PPTC7: variants seen among roughly 807,000 people sequenced by gnomAD.
PPTC7 encodes the protein protein phosphatase PTC7 homolog.
Under a neutral mutation model 30.8 loss-of-function variants are expected in PPTC7, and 6 were observed. The ratio of observed to expected loss-of-function variants is 0.19; its 90% CI spans 0.11 to 0.38. PPTC7 has a LOEUF of 0.38. Among genes scored for constraint, PPTC7 ranks in the 10% least tolerant of loss-of-function variants. PPTC7 has a pLI of 1.00. For missense variants in PPTC7, 218 were observed against 404.8 expected, an observed-to-expected ratio of 0.54 and a Z score of 3.96; for synonymous variants, 163 against 168.1, an observed-to-expected ratio of 0.97 and a Z score of 0.23.
chr12:110,569,830 A>C (rs982347608), intron 1 of PPTC7, among the ~76,000 whole-genome samples: 1 of 152,202 alleles, frequency 6.6e-6, no homozygotes, highest in African/African-American at 2.4e-5. Context: ...TTCAATAATG[A>C]TTTAGAGAGT....
At chr12:110,554,249 T>C (rs567001836) in intron 1 of PPTC7, among the ~76,000 whole-genome samples, 15 of 152,188 alleles carry the variant, frequency 9.9e-5, no homozygotes, top group African/African-American at 1.4e-4. Flanking sequence ...TCACAGCTCA[T>C]TGCAGTCTTG....
chr12:110,574,891 G>C (rs1014020364), intron 1 of PPTC7, among the ~76,000 whole-genome samples: 1 of 150,882 alleles, frequency 6.6e-6, no homozygotes, highest in African/African-American at 2.4e-5. Context: ...CGATTCTCAT[G>C]TCTCAGCCTC....
intron 4 of PPTC7, 123 bp from the exon 5 acceptor site, chr12:110,538,396 G>T: frequency 1.1e-6 from 1 of 903,160 alleles, no homozygotes; most frequent in Non-Finnish European, 1.7e-6. Flanking sequence ...ATCATGCCCT[G>T]GCTAATATGA....
chr12:110,538,051 C>T, intron 5 of PPTC7, 93 bp downstream of exon 5: 5 of 1,365,506 alleles, frequency 3.7e-6, no homozygotes, highest in Admixed American at 2.0e-5. Flanking sequence ...TGGGAGAGGA[C>T]ACCTCCACAG....
At chr12:110,559,123 A>C (rs564969432) in intron 1 of PPTC7, among the ~76,000 whole-genome samples, 1 of 152,266 alleles carries the variant, frequency 6.6e-6, no homozygotes, top group South Asian at 2.1e-4. Context: ...TCCTGGGCTC[A>C]AGGGATCCTC....
In PPTC7 at chr12:110,533,348, A is replaced by C. The variant is rs2064183305; in HGVS notation, c.*3689T>G. 1.3e-5 allele frequency: 2 copies of C among 152,170 alleles called. No individual in the cohort carries two copies. The highest frequency in any genetic ancestry group is 4.8e-5 in the African/African-American group (2 of 41,434). 9.4% of individuals were successfully genotyped at this position (152,170 alleles called of 1,614,324 possible). A position where few individuals can be genotyped will look rare whatever the true frequency, so the allele number is the denominator to read the frequency against. On this transcript the variant is annotated 3_prime_UTR_variant, in exon 6 of 6. Coordinates refer to ENST00000354300, the MANE Select transcript of PPTC7 (RefSeq NM_139283.2). ...TAATTCAGACATCCAAATTCAGGTAATTGCCTCTTGGGTAATAAGACAAAT... is the reference window on the plus strand; with the variant it reads ...TAATTCAGACATCCAAATTCAGGTACTTGCCTCTTGGGTAATAAGACAAAT...
intron 4 of PPTC7, among the ~76,000 whole-genome samples, chr12:110,539,552 C>A (rs1189445527): frequency 1.3e-5 from 2 of 152,164 alleles, no homozygotes; most frequent in Non-Finnish European, 2.9e-5. Context: ...CAACCAGGAC[C>A]CGACACCATT....
At chr12:110,540,033 A>G (rs2064245830) in intron 3 of PPTC7, 88 bp from the exon 4 acceptor site, 4 of 1,183,332 alleles carry the variant, frequency 3.4e-6, no homozygotes, top group Middle Eastern at 2.1e-4. Context: ...TTACAATGTA[A>G]TAAGCTTTCT....
At chr12:110,554,777 T>C (rs2064373771) in intron 1 of PPTC7, among the ~76,000 whole-genome samples, 1 of 152,160 alleles carries the variant, frequency 6.6e-6, no homozygotes, top group Admixed American at 6.6e-5. Flanking sequence ...AGAGAAAATG[T>C]CAAAAATATA....
intron 3 of PPTC7, among the ~76,000 whole-genome samples, chr12:110,542,823 C>T (rs896230809): frequency 1.4e-5 from 2 of 147,600 alleles, no homozygotes; most frequent in Non-Finnish European, 3.0e-5. Flanking sequence ...AAAAAAAAAA[C>T]AGATGGAAGA....
intron 1 of PPTC7, among the ~76,000 whole-genome samples, chr12:110,561,021 G>GT (rs1175815151): frequency 6.6e-6 from 1 of 152,170 alleles, no homozygotes; most frequent in African/African-American, 2.4e-5. Context: ...AATAACAGAA[G>GT]TATCAGGAGA....
chr12:110,569,114 C>T (rs149859349), intron 1 of PPTC7, among the ~76,000 whole-genome samples: 1 of 149,470 alleles, frequency 6.7e-6, no homozygotes, highest in East Asian at 2.0e-4. Context: ...GGACAGATCA[C>T]TTGAGGTCTG....
intron 1 of PPTC7, among the ~76,000 whole-genome samples, chr12:110,577,143 G>C (rs746816172): frequency 1.5e-4 from 22 of 144,024 alleles, no homozygotes; most frequent in South Asian, 4.4e-4. Context: ...CTCCAGCCTG[G>C]GCACAAGGGC....
intron 1 of PPTC7, among the ~76,000 whole-genome samples, chr12:110,565,529 A>G (rs2064476704): frequency 6.6e-6 from 1 of 152,218 alleles, no homozygotes; most frequent in Non-Finnish European, 1.5e-5. Flanking sequence ...TGCTGGGATT[A>G]CAGGCGTGAG....
At position 110,546,312 on chromosome 12, in the gene PPTC7, T is replaced by G. The variant is rs779220832; in HGVS notation, c.404-234A>C. 2.3e-4 allele frequency: 121 copies of G among 520,088 alleles called. No individual in the cohort carries two copies. In the Middle Eastern group the frequency reaches 6.2e-3, roughly 27 times the overall value. 32.2% of individuals were successfully genotyped at this position (520,088 alleles called of 1,614,324 possible). A position where few individuals can be genotyped will look rare whatever the true frequency, so the allele number is the denominator to read the frequency against. On this transcript the variant is annotated intron_variant, in intron 2 of 5. Coordinates refer to ENST00000354300, the MANE Select transcript of PPTC7 (RefSeq NM_139283.2). Reference sequence around the variant, plus strand: ...TTATACATAGTAATTGGGCCACAGATGATCTGAATTCTTCCATTTGCATTG... The same window carrying G: ...TTATACATAGTAATTGGGCCACAGAGGATCTGAATTCTTCCATTTGCATTG...
At chr12:110,572,164 G>A (rs2064542088) in intron 1 of PPTC7, among the ~76,000 whole-genome samples, 1 of 152,176 alleles carries the variant, frequency 6.6e-6, no homozygotes, top group Non-Finnish European at 1.5e-5. Flanking sequence ...AACGTGGCTA[G>A]GTGCAGTGGC....
At chr12:110,566,683 T>G (rs2064486437) in intron 1 of PPTC7, among the ~76,000 whole-genome samples, 1 of 152,176 alleles carries the variant, frequency 6.6e-6, no homozygotes, top group Non-Finnish European at 1.5e-5. Flanking sequence ...CTTTGACCCA[T>G]GTTTGTAGGC....
At chr12:110,572,686 A>G (rs1002993734) in intron 1 of PPTC7, among the ~76,000 whole-genome samples, 1 of 152,104 alleles carries the variant, frequency 6.6e-6, no homozygotes, top group Non-Finnish European at 1.5e-5. Flanking sequence ...CATACCAACA[A>G]TTCAATCCAT....
At chr12:110,569,071 G>A (rs1207191538) in intron 1 of PPTC7, among the ~76,000 whole-genome samples, 1 of 132,532 alleles carries the variant, frequency 7.5e-6, no homozygotes, top group Admixed American at 8.7e-5. Context: ...AGTGGCTCAC[G>A]CCTGTAATCC....
Sources: gnomAD v4.1 joint callset for allele counts (sites outside exome capture counted in the v4.1 genomes callset) on GRCh38, gnomAD v4.1.1 for gene constraint, MANE v1.5 for transcripts, NCBI Gene and HGNC (gene_info 2026-07-23, HGNC 2026-07-21) for gene names.